The following C12orf42 variants were observed in gnomAD, a reference collection of about 807,000 sequenced individuals.
C12orf42 encodes chromosome 12 open reading frame 42, also known as uncharacterized protein C12orf42.
A neutral mutation model predicts 21.6 loss-of-function variants in C12orf42; 25 were observed. The ratio of observed to expected loss-of-function variants is 1.16; its 90% CI spans 0.84 to 1.62. C12orf42 has a LOEUF of 1.62. Among genes scored for constraint, C12orf42 ranks in the 40% most tolerant of loss-of-function variants. The pLI, the probability that C12orf42 is intolerant of heterozygous loss-of-function variation, is 0.00. For synonymous variants in C12orf42, 174 were observed against 175.0 expected (o/e 0.99, Z 0.05); for missense variants, 483 against 459.3 (o/e 1.05, Z -0.47).
chr12:103,460,141 A>C (rs1040887594), intron 2 of C12orf42, among the ~76,000 whole-genome samples: 54 of 152,270 alleles, frequency 3.5e-4, no homozygotes, highest in African/African-American at 1.2e-3. Context: ...ACACAATTGA[A>C]ATTTATTTTT....
At chr12:103,137,359 G>GAA in the C12orf42 span, among the ~76,000 whole-genome samples, 127 of 129,374 alleles carry the variant, frequency 9.8e-4, 1 homozygote, top group African/African-American at 3.4e-3. Context: ...TTTTTAAAAA[G>GAA]AAAAAAAAAA....
chr12:103,550,841 T>G, the C12orf42 span, among the ~76,000 whole-genome samples: 1 of 152,266 alleles, frequency 6.6e-6, no homozygotes, highest in East Asian at 1.9e-4. Flanking sequence ...TTCTTATTAA[T>G]GTCTTATTAA....
chr12:103,503,047 C>T, the C12orf42 span, among the ~76,000 whole-genome samples: 4 of 152,150 alleles, frequency 2.6e-5, no homozygotes, highest in Non-Finnish European at 5.9e-5. Flanking sequence ...CTGTTAGAAA[C>T]AGAGCCAAAA....
chr12:103,253,198 C>T (rs1307226552), intron 10 of C12orf42, among the ~76,000 whole-genome samples: 1 of 151,974 alleles, frequency 6.6e-6, no homozygotes, highest in Non-Finnish European at 1.5e-5. Flanking sequence ...ATGCTGTTTT[C>T]GTTACTGTAG....
At chr12:103,523,313 G>A in the C12orf42 span, among the ~76,000 whole-genome samples, 1 of 152,004 alleles carries the variant, frequency 6.6e-6, no homozygotes, top group Non-Finnish European at 1.5e-5. Context: ...TATACATGCT[G>A]TTTCAATTCA....
intron 3 of C12orf42, among the ~76,000 whole-genome samples, chr12:103,398,934 C>T (rs2047756054): frequency 6.6e-6 from 1 of 152,016 alleles, no homozygotes; most frequent in African/African-American, 2.4e-5. Flanking sequence ...AAGATCATAA[C>T]TTGATCGTTC....
At chr12:103,345,377 A>G (rs930499632) in intron 4 of C12orf42, among the ~76,000 whole-genome samples, 1 of 152,246 alleles carries the variant, frequency 6.6e-6, no homozygotes, top group African/African-American at 2.4e-5. Flanking sequence ...CTGGTGTATC[A>G]TAAGGGCTCA....
At chr12:103,208,180 A>G in the C12orf42 span, among the ~76,000 whole-genome samples, 1 of 152,316 alleles carries the variant, frequency 6.6e-6, no homozygotes, top group Middle Eastern at 3.4e-3. Flanking sequence ...GGGTAATACC[A>G]ATGGGAAATT....
chr12:103,402,655 C>T (rs910432583), intron 2 of C12orf42, among the ~76,000 whole-genome samples: 1 of 152,082 alleles, frequency 6.6e-6, no homozygotes, highest in African/African-American at 2.4e-5. Context: ...GTTAAGATTC[C>T]AATAACACTA....
intron 1 of C12orf42, among the ~76,000 whole-genome samples, chr12:103,485,947 A>G (rs1057394615): frequency 2.6e-5 from 4 of 152,132 alleles, no homozygotes; most frequent in African/African-American, 9.7e-5. Context: ...CTCTTTTCCT[A>G]ATTGCATACC....
chr12:103,368,068 G>C (rs1285140310), intron 4 of C12orf42: 1 of 1,284,934 alleles, frequency 7.8e-7, no homozygotes, highest in East Asian at 5.6e-5. Flanking sequence ...AATTGGACAG[G>C]CACATTTAAA....
At chr12:103,274,560 T>G (rs748943690) in intron 5 of C12orf42, among the ~76,000 whole-genome samples, 12 of 152,192 alleles carry the variant, frequency 7.9e-5, no homozygotes, top group Non-Finnish European at 1.5e-4. Flanking sequence ...TGGCTGATTT[T>G]GGGAACCTAG....
the C12orf42 span, among the ~76,000 whole-genome samples, chr12:103,179,099 T>C: frequency 3.9e-4 from 60 of 152,336 alleles, no homozygotes; most frequent in Middle Eastern, 3.4e-3. Flanking sequence ...CACCTGCTTT[T>C]TGGGGCCTAT....
chr12:103,233,808 C>T (rs74934064), downstream of C12orf42, among the ~76,000 whole-genome samples: 483 of 152,264 alleles, frequency 3.2e-3, 5 homozygotes, highest in African/African-American at 0.011. Context: ...AATCCATATA[C>T]ATTTATTTTG....
At chr12:103,168,006 G>C in the C12orf42 span, 10 of 429,216 alleles carry the variant, frequency 2.3e-5, no homozygotes, top group African/African-American at 2.4e-4. Flanking sequence ...TTTTAATTGT[G>C]TCTGTTAATA....
chr12:103,559,816 G>A, the C12orf42 span: 7 of 152,108 alleles, frequency 4.6e-5, no homozygotes, highest in African/African-American at 1.2e-4. Context: ...TTATAAATAA[G>A]CAAATGAGTG....
chr12:103,363,859 A>G (rs1166734570), intron 4 of C12orf42, among the ~76,000 whole-genome samples: 1 of 152,132 alleles, frequency 6.6e-6, no homozygotes, highest in Non-Finnish European at 1.5e-5. Flanking sequence ...TTACTATTAG[A>G]TCTAAGAAAT....
intron 2 of C12orf42, among the ~76,000 whole-genome samples, chr12:103,459,528 T>C (rs1458408841): frequency 3.3e-5 from 5 of 152,160 alleles, no homozygotes; most frequent in African/African-American, 1.2e-4. Flanking sequence ...CTGCCATGAT[T>C]GTAAGCTTCC....
intron 1 of C12orf42, among the ~76,000 whole-genome samples, chr12:103,487,851 C>G (rs1321930086): frequency 6.6e-6 from 1 of 152,128 alleles, no homozygotes; most frequent in Non-Finnish European, 1.5e-5. Flanking sequence ...ATGTGTGTCT[C>G]TGCATGTGAG....
Sources: gnomAD v4.1 joint callset for allele counts (sites outside exome capture counted in the v4.1 genomes callset) on GRCh38, gnomAD v4.1.1 for gene constraint, MANE v1.5 for transcripts, NCBI Gene and HGNC (gene_info 2026-07-23, HGNC 2026-07-21) for gene names.